The following MAPKAPK2 variants were observed in gnomAD, a reference collection of about 807,000 sequenced individuals.
The protein encoded by MAPKAPK2 is MAP kinase-activated protein kinase 2.
A neutral mutation model predicts 48.8 loss-of-function variants in MAPKAPK2; 9 were observed. The ratio of observed to expected loss-of-function variants is 0.18; its 90% CI spans 0.11 to 0.32. The LOEUF is 0.32. MAPKAPK2 is among the 10% of genes least tolerant of loss of function. MAPKAPK2 has a pLI of 1.00. For synonymous variants in MAPKAPK2, 202 were observed against 190.6 expected (o/e 1.06, Z -0.49); for missense variants, 331 against 498.3 (o/e 0.66, Z 3.20).
At chr1:206,712,598 G>T (rs1050113042) in intron 1 of MAPKAPK2, among the ~76,000 whole-genome samples, 2 of 152,134 alleles carry the variant, frequency 1.3e-5, no homozygotes. Context: ...TTCTTAGGGG[G>T]TGTCACTTGG....
intron 1 of MAPKAPK2, among the ~76,000 whole-genome samples, chr1:206,716,800 A>G (rs1431129146): frequency 6.6e-6 from 1 of 151,904 alleles, no homozygotes; most frequent in Non-Finnish European, 1.5e-5. Flanking sequence ...TTTAAAGTAG[A>G]TACTAGATAC....
In MAPKAPK2 at chr1:206,704,787, C is replaced by T. The variant is rs111707104; in HGVS notation, c.279+19279C>T. ...AATCTGTCCATTCATCTGTTCACTG[C>T]AGGCTTATTGAGGGAGAAACATGTA... On this transcript the variant is annotated intron_variant, in intron 1 of 9. Transcript: ENST00000367103. The surrounding 1 kb of genome is among the most constrained non-coding windows in gnomAD (Gnocchi z 4.3). 0.013 allele frequency among the ~76,000 whole-genome samples: 1,939 copies of T among 152,284 alleles called. 21 individuals carry two copies. Among genetic ancestry groups the T allele is most frequent in the Middle Eastern group, 0.031 (9 of 294 alleles).
intron 1 of MAPKAPK2, among the ~76,000 whole-genome samples, chr1:206,698,560 A>G (rs1421839466): frequency 6.6e-6 from 1 of 152,274 alleles, no homozygotes; most frequent in Non-Finnish European, 1.5e-5. Flanking sequence ...TAGGAAACTT[A>G]GCAACTCTGT....
At chr1:206,706,340 C>G (rs1358391235) in intron 1 of MAPKAPK2, among the ~76,000 whole-genome samples, 1 of 152,006 alleles carries the variant, frequency 6.6e-6, no homozygotes, top group Non-Finnish European at 1.5e-5. Flanking sequence ...AGGAGCAAAG[C>G]CAGTCCCTCT....
At chr1:206,709,621 TA>T (rs1553429153) in intron 1 of MAPKAPK2, among the ~76,000 whole-genome samples, 1 of 152,264 alleles carries the variant, frequency 6.6e-6, no homozygotes, top group East Asian at 1.9e-4. Flanking sequence ...CCTCTGATAC[TA>T]ATGGCATTTA....
At chr1:206,721,015 G>A (rs1410615701) in intron 1 of MAPKAPK2, among the ~76,000 whole-genome samples, 2 of 152,214 alleles carry the variant, frequency 1.3e-5, no homozygotes, top group East Asian at 3.8e-4. Context: ...TAGTTTGGAT[G>A]TTTGTTTCTC....
chr1:206,730,885 C>T (rs1673878870), intron 6 of MAPKAPK2, 122 bp downstream of exon 6: 13 of 1,105,102 alleles, frequency 1.2e-5, no homozygotes, highest in Non-Finnish European at 1.8e-5. Flanking sequence ...CCCTGCGTGC[C>T]CCTTCTCTCA....
chr1:206,702,117 A>G (rs781803581), intron 1 of MAPKAPK2, among the ~76,000 whole-genome samples: 4 of 152,190 alleles, frequency 2.6e-5, no homozygotes, highest in Non-Finnish European at 4.4e-5. Flanking sequence ...AATTCTTCCA[A>G]TGGTAAGGAG....
In MAPKAPK2 at chr1:206,685,460, A is replaced by C; in HGVS notation, c.231A>C (p.Lys77Asn). The C allele has an allele frequency of 1.3e-6, 2 of 1,539,708 alleles. No homozygotes were observed. The highest frequency in any genetic ancestry group is 1.8e-6 in the Non-Finnish European group (2 of 1,138,718). The change falls in exon 1 of 10, where the codon AAA becomes AAC. Residue 77 changes from lysine to asparagine, a missense_variant. Transcript: ENST00000367103. ...TCCTGGGGCTGGGCATCAACGGCAA[A>C]GTTTTGCAGATCTTCAACAAGAGGA... ...SQVLGLGING[K>N]VLQIFNKRTQ... is the part of the protein sequence containing the mutation.
At chr1:206,713,739 G>A (rs1294745342) in intron 1 of MAPKAPK2, among the ~76,000 whole-genome samples, 3 of 152,190 alleles carry the variant, frequency 2.0e-5, no homozygotes, top group Non-Finnish European at 1.5e-5. Flanking sequence ...GGTGGTGTAT[G>A]TCTGTAGTCC....
rs1455033418 is a variant in MAPKAPK2 at position 206,704,392 on chromosome 1, TTAG to T, written c.279+18886_279+18888del. 1.3e-5 allele frequency among the ~76,000 whole-genome samples: 2 copies of T among 152,208 alleles called. No individual in the cohort carries two copies. The highest frequency in any genetic ancestry group is 2.9e-5 in the Non-Finnish European group (2 of 68,030). ...TGCTTTTCCTTTCAGGTTGCTGGAA[TTAG>T]TGGTGGTGGTGGCTCAGCTCACCCA... is the stretch of plus-strand genomic sequence containing the variant. On this transcript the variant is annotated intron_variant, in intron 1 of 9. Coordinates refer to ENST00000367103, the MANE Select transcript of MAPKAPK2 (RefSeq NM_032960.4). This position sits in a 1 kb window ranked among gnomAD's most constrained non-coding sequence, Gnocchi z 4.3.
intron 1 of MAPKAPK2, among the ~76,000 whole-genome samples, chr1:206,723,399 T>C (rs1673603350): frequency 6.6e-6 from 1 of 152,086 alleles, no homozygotes; most frequent in African/African-American, 2.4e-5. Context: ...ATCTATTAAC[T>C]CATCTTGTAT....
intron 1 of MAPKAPK2, among the ~76,000 whole-genome samples, chr1:206,692,180 T>C (rs782651007): frequency 1.3e-5 from 2 of 151,998 alleles, no homozygotes; most frequent in East Asian, 3.9e-4. Context: ...GTCCAGCCAC[T>C]GTCTCCTTGC....
chr1:206,712,682 G>A (rs573222127), intron 1 of MAPKAPK2, among the ~76,000 whole-genome samples: 1 of 152,216 alleles, frequency 6.6e-6, no homozygotes, highest in South Asian at 2.1e-4. Flanking sequence ...GGCAAAGCCA[G>A]TCTGGTGTGG....
At chr1:206,699,990 TTTC>T (rs1181783764) in intron 1 of MAPKAPK2, among the ~76,000 whole-genome samples, 3 of 151,612 alleles carry the variant, frequency 2.0e-5, no homozygotes, top group African/African-American at 7.3e-5. Flanking sequence ...TTTCTCTTTC[TTTC>T]TTCTTCTTAC....
At chr1:206,727,929 TTCTTACAAGGC>T (rs1327566751) in intron 1 of MAPKAPK2, among the ~76,000 whole-genome samples, 5 of 152,150 alleles carry the variant, frequency 3.3e-5, no homozygotes, top group Admixed American at 3.3e-4. Flanking sequence ...GGCAGCAGAT[TTCTTACAAGGC>T]TCTTGGCCAG....
In MAPKAPK2 at chr1:206,731,971, G is replaced by C; in HGVS notation, c.1059+52G>C. ...GCTCCAGGTGGGGTGGGCGGCTTGCGGGGAGTGCCCAGGTGTGAGGCGTGG... is the reference window on the plus strand; with the variant it reads ...GCTCCAGGTGGGGTGGGCGGCTTGCCGGGAGTGCCCAGGTGTGAGGCGTGG... On this transcript the variant is annotated intron_variant, in intron 9 of 9. Coordinates refer to ENST00000367103, the MANE Select transcript of MAPKAPK2 (RefSeq NM_032960.4). This position sits in a 1 kb window ranked among gnomAD's most constrained non-coding sequence, Gnocchi z 5.9. 1.9e-6 allele frequency: 3 copies of C among 1,614,044 alleles called. No individual in the cohort carries two copies. The highest frequency in any genetic ancestry group is 1.1e-5 in the South Asian group (1 of 91,074).
intron 1 of MAPKAPK2, among the ~76,000 whole-genome samples, chr1:206,705,126 G>C (rs1041707747): frequency 6.6e-6 from 1 of 152,194 alleles, no homozygotes. Flanking sequence ...CCTTCTCTGG[G>C]AGAACTGTTC....
At chr1:206,705,265 C>T (rs192690128) in intron 1 of MAPKAPK2, among the ~76,000 whole-genome samples, 30 of 152,188 alleles carry the variant, frequency 2.0e-4, no homozygotes, top group African/African-American at 5.5e-4. Context: ...GGAGGGGCCC[C>T]GGCAGGTGGC....
Sources: gnomAD v4.1 joint callset for allele counts (sites outside exome capture counted in the v4.1 genomes callset) on GRCh38, gnomAD v4.1.1 for gene constraint, Gnocchi (gnomAD v3.1) non-coding constraint, MANE v1.5 for transcripts, NCBI Gene and HGNC (gene_info 2026-07-23, HGNC 2026-07-21) for gene names.